The following PARP4 variants were observed in gnomAD, a reference collection of about 807,000 sequenced individuals.
PARP4 encodes the protein protein mono-ADP-ribosyltransferase PARP4.
A neutral mutation model predicts 187.7 loss-of-function variants in PARP4; 120 were observed. The ratio of observed to expected loss-of-function variants is 0.64; its 90% CI spans 0.55 to 0.74. PARP4 has a LOEUF of 0.74. Ranked by LOEUF, PARP4 falls within the 30% of genes least tolerant of loss-of-function variation. PARP4 has a pLI of 0.00. For synonymous variants in PARP4, 654 were observed against 740.9 expected, an observed-to-expected ratio of 0.88 and a Z score of 1.90; for missense variants, 1,836 against 2,070.5, an observed-to-expected ratio of 0.89 and a Z score of 2.20.
intron 24 of PARP4, chr13:24,451,963 G>A (rs9581051): frequency 0.052 from 8,102 of 154,600 alleles, 701 homozygotes; most frequent in African/African-American, 0.18. Flanking sequence ...TCTGCCTGGA[G>A]GTCACATGCC....
chr13:24,478,246 C>G lies in PARP4; in HGVS notation c.1479G>C (p.Glu493Asp), dbSNP rs147669222. ...STSIKYSHPG[E>D]TDGTRLLLIC... ...TGAGCAGGAGTCTGGTGCCATCTGTCTCTCCCGGGTGTGAGTACTTGATAC... is the reference window on the plus strand; with the variant it reads ...TGAGCAGGAGTCTGGTGCCATCTGTGTCTCCCGGGTGTGAGTACTTGATAC... The change falls in exon 13 of 34, where the codon GAG becomes GAC. Residue 493 changes from glutamate (E) to aspartate (D), a missense_variant. Physicochemically the swap from Glu to Asp is conservative, Grantham distance 45. Coordinates refer to ENST00000381989, the MANE Select transcript of PARP4 (RefSeq NM_006437.4). 1.9e-6 allele frequency: 3 copies of G among 1,612,080 alleles called. No homozygotes were observed. The highest frequency in any genetic ancestry group is 2.5e-6 in the Non-Finnish European group (3 of 1,178,830).
At chr13:24,468,400 CTTT>C (rs140804702) in intron 17 of PARP4, among the ~76,000 whole-genome samples, 44,611 of 120,150 alleles carry the variant, frequency 0.37, 6,810 homozygotes, top group East Asian at 0.51. Context: ...TATCACACTC[CTTT>C]TTTTTTTTTT....
rs758395672 is a variant in PARP4 at position 24,498,238 on chromosome 13, C to A, written c.478-9G>T. ...CCTCCCTCCATTCCCACCTGGAAAA[C>A]AGGATGTGCTTTCAGAAGCTGCACT... On this transcript the variant is annotated splice_polypyrimidine_tract_variant and intron_variant, in intron 5 of 33. Transcript: ENST00000381989. 1.9e-6 allele frequency: 3 copies of A among 1,597,288 alleles called. No homozygotes were observed. The highest frequency in any genetic ancestry group is 4.5e-5 in the East Asian group (2 of 44,776).
At chr13:24,507,248 C>T (rs558826050) in intron 1 of PARP4, among the ~76,000 whole-genome samples, 2 of 152,224 alleles carry the variant, frequency 1.3e-5, no homozygotes, top group South Asian at 2.1e-4. Flanking sequence ...AGTGCAGCGG[C>T]GGGCTGAAGG....
intron 8 of PARP4, 121 bp from the exon 9 acceptor site, chr13:24,492,715 C>G (rs1274427760): frequency 2.5e-6 from 2 of 802,492 alleles, no homozygotes; most frequent in Admixed American, 5.2e-5. Context: ...TACTGGAGAG[C>G]CTTCACAAAG....
intron 30 of PARP4, among the ~76,000 whole-genome samples, 156 bp from the exon 31 acceptor site, chr13:24,435,630 A>G (rs1413019809): frequency 6.6e-6 from 1 of 152,182 alleles, no homozygotes; most frequent in Non-Finnish European, 1.5e-5. Flanking sequence ...TGAAAATAAC[A>G]CCAGTGCTGC....
intron 25 of PARP4, among the ~76,000 whole-genome samples, chr13:24,448,111 G>A (rs1385714837): frequency 2.0e-5 from 3 of 152,172 alleles, no homozygotes; most frequent in Non-Finnish European, 4.4e-5. Context: ...CTTGGGGGAT[G>A]AGGGAGGAAG....
chr13:24,432,481 C>T (rs1003348035), intron 31 of PARP4, among the ~76,000 whole-genome samples: 2 of 152,186 alleles, frequency 1.3e-5, no homozygotes, highest in African/African-American at 4.8e-5. Flanking sequence ...CATCACTTAT[C>T]AATGCCATGA....
chr13:24,436,053 G>A (rs955178189), intron 30 of PARP4, among the ~76,000 whole-genome samples: 1 of 151,954 alleles, frequency 6.6e-6, no homozygotes, highest in African/African-American at 2.4e-5. Context: ...TATATTGAAA[G>A]ACCTTCTCTC....
At chr13:24,498,567 T>A (rs1382209364) in intron 5 of PARP4, among the ~76,000 whole-genome samples, 1 of 152,122 alleles carries the variant, frequency 6.6e-6, no homozygotes, top group Non-Finnish European at 1.5e-5. Flanking sequence ...AAATGGAACA[T>A]CACTTTGAAG....
At chr13:24,506,845 T>C (rs1869717012) in intron 1 of PARP4, among the ~76,000 whole-genome samples, 1 of 152,228 alleles carries the variant, frequency 6.6e-6, no homozygotes, top group Non-Finnish European at 1.5e-5. Flanking sequence ...GGGTGGTCGA[T>C]GGGACCGGGC....
At chr13:24,421,729 C>T (rs1354720815) in intron 33 of PARP4, among the ~76,000 whole-genome samples, 7 of 152,284 alleles carry the variant, frequency 4.6e-5, no homozygotes, top group South Asian at 4.1e-4. Context: ...TGATTAGGTA[C>T]CTTCAGAATA....
In PARP4 at chr13:24,435,202, A is replaced by T. The variant is rs777028749; in HGVS notation, c.3939T>A (p.Ser1313=). ...KKVSPWETST[S]SFFPILAPAV... ...CCGGAGCCAAAATAGGAAAAAAGCT[A>T]GAAGTAGATGTTTCCCATGGACTGA... Residue 1313 remains serine, a synonymous_variant, in exon 31 of 34, where the codon TCT becomes TCA. Transcript: ENST00000381989. 6.2e-7 allele frequency: 1 copy of T among 1,614,228 alleles called. No individual in the cohort carries two copies. The highest frequency in any genetic ancestry group is 2.2e-5 in the East Asian group (1 of 44,882).
chr13:24,472,740 C>T (rs1052968574), intron 15 of PARP4, among the ~76,000 whole-genome samples: 6 of 152,116 alleles, frequency 3.9e-5, no homozygotes, highest in African/African-American at 9.7e-5. Flanking sequence ...CTCCTGGCTG[C>T]GGCCCCAGCA....
intron 33 of PARP4, among the ~76,000 whole-genome samples, chr13:24,422,907 T>C (rs992877620): frequency 6.6e-6 from 1 of 152,176 alleles, no homozygotes; most frequent in Non-Finnish European, 1.5e-5. Context: ...GTGTCTGGCC[T>C]AAAATTGTTT....
In PARP4 at chr13:24,431,107, T is replaced by G. The variant is rs139408652; in HGVS notation, c.4846+270A>C. On this transcript the variant is annotated intron_variant, in intron 32 of 33. Coordinates refer to ENST00000381989, the MANE Select transcript of PARP4 (RefSeq NM_006437.4). ...ATACGGACAAAAAAGTAATCTTTGATTACCATGTTAAGCTTCTGAGATTTT... is the reference window on the plus strand; with the variant it reads ...ATACGGACAAAAAAGTAATCTTTGAGTACCATGTTAAGCTTCTGAGATTTT... Among the ~76,000 whole-genome samples, 250 of 152,320 alleles carry G rather than the reference T, an allele frequency of 1.6e-3. 2 individuals are homozygous for G. The highest frequency in any genetic ancestry group is 5.6e-3 in the African/African-American group (231 of 41,566).
At chr13:24,496,682 G>A (rs1868974799) in intron 6 of PARP4, among the ~76,000 whole-genome samples, 1 of 151,844 alleles carries the variant, frequency 6.6e-6, no homozygotes, top group Admixed American at 6.6e-5. Context: ...GCCTGTGTGG[G>A]CCTCTGTGAG....
intron 27 of PARP4, among the ~76,000 whole-genome samples, chr13:24,445,510 A>T (rs1472688246): frequency 6.6e-6 from 1 of 151,986 alleles, no homozygotes; most frequent in Non-Finnish European, 1.5e-5. Flanking sequence ...ACCCCACCTA[A>T]AGGGGTTCAG....
At chr13:24,485,139 T>G (rs1342419612) in intron 11 of PARP4, among the ~76,000 whole-genome samples, 2 of 152,188 alleles carry the variant, frequency 1.3e-5, no homozygotes, top group Non-Finnish European at 2.9e-5. Flanking sequence ...AAGGTCCAAC[T>G]TTGTATTTTT....
Sources: allele counts gnomAD v4.1 joint callset (sites outside exome capture counted in the v4.1 genomes callset), GRCh38; gene constraint gnomAD v4.1.1; transcripts MANE v1.5; gene names NCBI Gene and HGNC (gene_info 2026-07-23, HGNC 2026-07-21).